Variants in OLFM3 observed in about 807,000 individuals in gnomAD.
OLFM3 encodes the protein noelin-3.
OLFM3 carries 20 observed loss-of-function variants against 48.6 expected under a neutral mutation model. That is an observed-to-expected ratio of 0.41 (90% confidence interval 0.29 to 0.60). The LOEUF is 0.60. Among genes scored for constraint, OLFM3 ranks in the 20% least tolerant of loss-of-function variants. OLFM3 has a pLI of 0.28. For synonymous variants in OLFM3, 222 were observed against 198.1 expected (o/e 1.12, Z -1.01); for missense variants, 437 against 544.3 (o/e 0.80, Z 1.96).
intron 1 of OLFM3, among the ~76,000 whole-genome samples, chr1:101,911,532 A>T (rs185779186): frequency 7.4e-4 from 113 of 152,330 alleles, no homozygotes; most frequent in African/African-American, 2.7e-3. Context: ...GGAGGAAAAT[A>T]AGTGAAATTA....
intron 4 of OLFM3, chr1:101,813,078 A>C (rs772215393): frequency 7.0e-6 from 9 of 1,282,728 alleles, no homozygotes; most frequent in Non-Finnish European, 9.1e-6. Context: ...ATAGCTTCCC[A>C]AAATACTATT....
intron 1 of OLFM3, among the ~76,000 whole-genome samples, chr1:101,843,522 G>A (rs1655833918): frequency 6.6e-6 from 1 of 152,026 alleles, no homozygotes; most frequent in African/African-American, 2.4e-5. Flanking sequence ...AGATTGGAAG[G>A]GGAATAAAAA....
At chr1:101,905,541 C>T (rs912904399) in intron 1 of OLFM3, among the ~76,000 whole-genome samples, 3 of 152,062 alleles carry the variant, frequency 2.0e-5, no homozygotes, top group Non-Finnish European at 4.4e-5. Context: ...TGTAAGGGTT[C>T]CACTGTAAAT....
intron 1 of OLFM3, among the ~76,000 whole-genome samples, chr1:101,973,010 T>C (rs988919065): frequency 6.6e-6 from 1 of 152,128 alleles, no homozygotes; most frequent in South Asian, 2.1e-4. Context: ...CCTACATAAA[T>C]GACTCTAAAA....
At chr1:101,865,708 T>C (rs557270043) in intron 1 of OLFM3, among the ~76,000 whole-genome samples, 1 of 152,316 alleles carries the variant, frequency 6.6e-6, no homozygotes, top group South Asian at 2.1e-4. Flanking sequence ...GGACAAGTCC[T>C]GGGAGACACT....
At chr1:101,835,620 ATGGTTTCTAATAGT>A (rs1241017435) in intron 2 of OLFM3, among the ~76,000 whole-genome samples, 10 of 152,142 alleles carry the variant, frequency 6.6e-5, no homozygotes, top group Admixed American at 5.9e-4. Context: ...TGGCCTTGTC[ATGGTTTCTAATAGT>A]TAGATGCATG....
chr1:101,952,979 T>C (rs1250586736), intron 1 of OLFM3, among the ~76,000 whole-genome samples: 1 of 152,134 alleles, frequency 6.6e-6, no homozygotes, highest in African/African-American at 2.4e-5. Context: ...TGTGGGGTGC[T>C]GTAAGTTTTA....
chr1:101,883,330 A>G (rs945320887), intron 1 of OLFM3, among the ~76,000 whole-genome samples: 5 of 150,376 alleles, frequency 3.3e-5, no homozygotes, highest in African/African-American at 1.2e-4. Context: ...TACAATTTAT[A>G]TACTCTATAT....
At chr1:101,984,591 G>T (rs1482590554) in intron 1 of OLFM3, among the ~76,000 whole-genome samples, 3 of 152,150 alleles carry the variant, frequency 2.0e-5, no homozygotes, top group African/African-American at 7.2e-5. Context: ...GTAGAGACGG[G>T]GTTTCACCAT....
At chr1:101,839,995 G>A (rs1444873949) in intron 1 of OLFM3, among the ~76,000 whole-genome samples, 1 of 152,116 alleles carries the variant, frequency 6.6e-6, no homozygotes, top group African/African-American at 2.4e-5. Flanking sequence ...CAGTCCTGTG[G>A]GTTTTGATAG....
At chr1:101,839,756 G>T (rs1340358868) in intron 1 of OLFM3, among the ~76,000 whole-genome samples, 2 of 152,088 alleles carry the variant, frequency 1.3e-5, no homozygotes, top group African/African-American at 4.8e-5. Context: ...AGGTGAAGAG[G>T]GTTTAATGTT....
Position 101,804,578 on chromosome 1 carries a change from G to A in OLFM3, c.1037C>T (p.Ala346Val). ...LWAVYATNQNAGNIVISQLNQ... is the reference protein window; with the variant it reads ...LWAVYATNQNVGNIVISQLNQ... Reference sequence around the variant, plus strand: ...AAGTTGGCTGATGACAATATTGCCTGCATTCTGGTTAGTTGCATACACAGC... The same window carrying A: ...AAGTTGGCTGATGACAATATTGCCTACATTCTGGTTAGTTGCATACACAGC... The change falls in exon 6 of 6, where the codon GCA becomes GTA. Residue 346 changes from alanine (A) to valine (V), a missense_variant. This residue lies in a region of OLFM3 where 108 missense variants were observed against 135.8 expected (regional missense o/e 0.80). Coordinates refer to ENST00000370103, the MANE Select transcript of OLFM3 (RefSeq NM_058170.4). This position sits in a 1 kb window ranked among gnomAD's most constrained non-coding sequence, Gnocchi z 4.5. 1.2e-6 allele frequency: 2 copies of A among 1,612,534 alleles called. No individual in the cohort carries two copies. The highest frequency in any genetic ancestry group is 1.7e-6 in the Non-Finnish European group (2 of 1,179,136).
At chr1:101,982,184 T>G (rs932009971) in intron 1 of OLFM3, among the ~76,000 whole-genome samples, 1 of 152,178 alleles carries the variant, frequency 6.6e-6, no homozygotes, top group Non-Finnish European at 1.5e-5. Context: ...TTGATTAATA[T>G]GCATGTGTGG....
chr1:101,989,825 T>A (rs905830488), intron 1 of OLFM3, among the ~76,000 whole-genome samples: 10 of 152,196 alleles, frequency 6.6e-5, no homozygotes, highest in Non-Finnish European at 1.5e-4. Context: ...AGAGAAATTA[T>A]ATTCCTAAAT....
intron 1 of OLFM3, among the ~76,000 whole-genome samples, chr1:101,958,716 AT>A (rs537748966): frequency 1.3e-4 from 20 of 150,804 alleles, no homozygotes; most frequent in Middle Eastern, 3.4e-3. Flanking sequence ...AGTTAAAGTG[AT>A]TTTTTTTTCC....
chr1:101,819,838 CTTTCTGAGTATCTGT>C (rs1654524252), intron 4 of OLFM3, among the ~76,000 whole-genome samples: 2 of 152,018 alleles, frequency 1.3e-5, no homozygotes, highest in African/African-American at 4.8e-5. Flanking sequence ...TTAATTTAAA[CTTTCTGAGTATCTGT>C]TTTAGTGAAG....
At chr1:101,870,889 C>G (rs1179342497) in intron 1 of OLFM3, among the ~76,000 whole-genome samples, 1 of 151,874 alleles carries the variant, frequency 6.6e-6, no homozygotes, top group Non-Finnish European at 1.5e-5. Context: ...AAATCCAGTA[C>G]TTCCTTTTCC....
chr1:101,823,783 C>T (rs2100895762), intron 4 of OLFM3, among the ~76,000 whole-genome samples: 1 of 152,040 alleles, frequency 6.6e-6, no homozygotes, highest in Middle Eastern at 3.4e-3. Flanking sequence ...AAAATGTAGA[C>T]TGTGTTTGAG....
chr1:101,947,842 T>C (rs1044403842), intron 1 of OLFM3, among the ~76,000 whole-genome samples: 1 of 152,174 alleles, frequency 6.6e-6, no homozygotes, highest in Non-Finnish European at 1.5e-5. Context: ...TGCTAACTTA[T>C]ATGAGCTTTT....
Sources: gnomAD v4.1 joint callset for allele counts (sites outside exome capture counted in the v4.1 genomes callset) on GRCh38, gnomAD v4.1.1 for gene constraint, gnomAD v4.1.1 regional missense constraint, Gnocchi (gnomAD v3.1) non-coding constraint, MANE v1.5 for transcripts, NCBI Gene and HGNC (gene_info 2026-07-23, HGNC 2026-07-21) for gene names.